PRCP: variants seen among roughly 807,000 people sequenced by gnomAD.
The protein encoded by PRCP is prolylcarboxypeptidase, also known as lysosomal Pro-X carboxypeptidase.
A neutral mutation model predicts 54.2 loss-of-function variants in PRCP; 46 were observed. The ratio of observed to expected loss-of-function variants is 0.85; its 90% confidence interval spans 0.67 to 1.09. PRCP has a LOEUF of 1.09. Among genes scored for constraint, PRCP ranks in the 50% least tolerant of loss-of-function variants. The pLI, the probability that PRCP is intolerant of heterozygous loss-of-function variation, is 0.00. For missense variants in PRCP, 613 were observed against 596.8 expected, an observed-to-expected ratio of 1.03 and a Z score of -0.28; for synonymous variants, 240 against 212.2, an observed-to-expected ratio of 1.13 and a Z score of -1.14.
Position 82,823,222 on chromosome 11 carries a change from A to G in PRCP, c.*1684T>C, listed in dbSNP as rs2121030605. Among the ~76,000 whole-genome samples the G allele has an allele frequency of 6.6e-6, 1 of 152,352 alleles. No homozygotes were observed. The highest frequency in any genetic ancestry group is 2.4e-5 in the African/African-American group (1 of 41,576). ...AATGGCAAAGTATTTTAAAGATTCT[A>G]CACAAGGGAAAAACCCTAAAATCGT... On this transcript the variant is annotated 3_prime_UTR_variant, in exon 9 of 9. Transcript: ENST00000313010.
chr11:82,900,263 T>C lies in PRCP; in HGVS notation c.140A>G (p.Asn47Ser), dbSNP rs150424357. The change falls in exon 1 of 9, where the codon AAC (asparagine) becomes AGC (serine). Residue 47 changes from asparagine to serine, a missense_variant. By Grantham distance (46) the Asn-to-Ser change is conservative. Coordinates refer to ENST00000313010, the MANE Select transcript of PRCP (RefSeq NM_005040.4). ...CTGTTGGAAGTAGAGAACCGAATAGTTCTTGGCTACAGCCGGGAGGGATGT... is the reference window on the plus strand; with the variant it reads ...CTGTTGGAAGTAGAGAACCGAATAGCTCTTGGCTACAGCCGGGAGGGATGT... Reference protein sequence around the residue: ...NPTSLPAVAKNYSVLYFQQKV... With the variant: ...NPTSLPAVAKSYSVLYFQQKV... 1 of 1,614,222 alleles carries C rather than the reference T, an allele frequency of 6.2e-7. No individual in the cohort carries two copies. Among genetic ancestry groups the C allele is most frequent in the Non-Finnish European group, 8.5e-7 (1 of 1,180,028 alleles).
intron 1 of PRCP, among the ~76,000 whole-genome samples, chr11:82,880,836 GAAA>G (rs35371555): frequency 1.3e-4 from 18 of 137,946 alleles, no homozygotes; most frequent in African/African-American, 3.8e-4. Context: ...CCTTATGGAG[GAAA>G]AAAAAAAAAA....
chr11:82,859,973 A>G lies in PRCP; in HGVS notation c.309+4T>C. 6.4e-7 allele frequency: 1 copy of G among 1,574,586 alleles called. No individual in the cohort carries two copies. The highest frequency in any genetic ancestry group is 8.6e-7 in the Non-Finnish European group (1 of 1,164,030). ...GCACTGGAATTTCATGAATCTGCACATACCGTGTTATTACAAAACCAGATA... is the reference window on the plus strand; with the variant it reads ...GCACTGGAATTTCATGAATCTGCACGTACCGTGTTATTACAAAACCAGATA... On this transcript the variant is annotated splice_donor_region_variant and intron_variant, in intron 2 of 8. Transcript: ENST00000313010.
chr11:82,825,425 T>C (rs1858203406), intron 8 of PRCP: 1 of 310,758 alleles, frequency 3.2e-6, no homozygotes, highest in African/African-American at 2.2e-5. Context: ...GATTTCATTA[T>C]TCAAAAGTTA....
In PRCP at chr11:82,838,588, C is replaced by T; in HGVS notation, c.1087-14G>A. 1.3e-6 allele frequency: 2 copies of T among 1,592,910 alleles called. No homozygotes were observed. The highest frequency in any genetic ancestry group is 1.7e-6 in the Non-Finnish European group (2 of 1,171,342). On this transcript the variant is annotated splice_polypyrimidine_tract_variant and intron_variant, in intron 7 of 8. Coordinates refer to ENST00000313010, the MANE Select transcript of PRCP (RefSeq NM_005040.4). Reference sequence around the variant, plus strand: ...TTCTGTGCAGGCCTAAGAAGCAAACCAAGAGAGAATCCAATTAGAAAAATG... The same window carrying T: ...TTCTGTGCAGGCCTAAGAAGCAAACTAAGAGAGAATCCAATTAGAAAAATG...
intron 8 of PRCP, chr11:82,828,145 C>T (rs1858288503): frequency 6.6e-6 from 1 of 152,114 alleles, no homozygotes; most frequent in South Asian, 2.1e-4. Context: ...AAAGAGAAAA[C>T]TAATGCCCAA....
At chr11:82,829,886 G>A (rs753222072) in intron 8 of PRCP, 3 of 152,120 alleles carry the variant, frequency 2.0e-5, no homozygotes, top group Non-Finnish European at 4.4e-5. Context: ...TACTTTTTAC[G>A]TGGGAAAGAA....
chr11:82,869,689 T>C (rs556268090), intron 1 of PRCP, among the ~76,000 whole-genome samples: 3 of 152,282 alleles, frequency 2.0e-5, no homozygotes, highest in African/African-American at 7.2e-5. Context: ...AGTAAATGAA[T>C]GCATGCATGC....
chr11:82,885,419 C>T (rs1403742745), intron 1 of PRCP, among the ~76,000 whole-genome samples: 1 of 152,086 alleles, frequency 6.6e-6, no homozygotes, highest in African/African-American at 2.4e-5. Flanking sequence ...ATTTATTTCC[C>T]CTTAGATGGC....
chr11:82,873,406 C>A (rs746765315), intron 1 of PRCP, among the ~76,000 whole-genome samples: 1 of 152,154 alleles, frequency 6.6e-6, no homozygotes, highest in Non-Finnish European at 1.5e-5. Context: ...ACACGAAATG[C>A]CCCACTAAAT....
chr11:82,826,823 G>C (rs903764244), intron 8 of PRCP: 9 of 152,112 alleles, frequency 5.9e-5, no homozygotes, highest in African/African-American at 1.7e-4. Context: ...TTTTGAGTGA[G>C]AGCTCACACT....
intron 8 of PRCP, among the ~76,000 whole-genome samples, chr11:82,832,346 C>G (rs566125612): frequency 2.0e-5 from 3 of 152,206 alleles, no homozygotes; most frequent in Admixed American, 1.3e-4. Flanking sequence ...CCTATTTCCC[C>G]ACACCCTCTC....
chr11:82,883,819 T>C (rs915584780), intron 1 of PRCP, among the ~76,000 whole-genome samples: 1 of 152,150 alleles, frequency 6.6e-6, no homozygotes, highest in African/African-American at 2.4e-5. Context: ...TAAATTCCCA[T>C]CTCTTTTAAA....
intron 1 of PRCP, among the ~76,000 whole-genome samples, chr11:82,866,870 C>T (rs751567889): frequency 6.6e-6 from 1 of 151,904 alleles, no homozygotes; most frequent in Non-Finnish European, 1.5e-5. Context: ...TACAGGTGCC[C>T]ACCACCACAC....
chr11:82,878,672 G>A (rs1011014565), intron 1 of PRCP, among the ~76,000 whole-genome samples: 3 of 152,188 alleles, frequency 2.0e-5, no homozygotes, highest in Non-Finnish European at 4.4e-5. Context: ...TTTTGCAGTG[G>A]CTAGTACCGG....
At chr11:82,877,481 C>T (rs1859635555) in intron 1 of PRCP, among the ~76,000 whole-genome samples, 1 of 152,152 alleles carries the variant, frequency 6.6e-6, no homozygotes, top group Non-Finnish European at 1.5e-5. Context: ...GGGCTGAGCC[C>T]AGGGTCCCCA....
intron 7 of PRCP, among the ~76,000 whole-genome samples, chr11:82,838,951 T>A (rs1364331300): frequency 6.6e-6 from 1 of 152,240 alleles, no homozygotes; most frequent in African/African-American, 2.4e-5. Context: ...GTAGGACTTA[T>A]CAAGATCTAT....
In PRCP at chr11:82,841,917, T is replaced by C. The variant is rs534647463; in HGVS notation, c.922-2492A>G. ...TTGCCAACAGTTGATCAGCATTCTT[T>C]CCTGAACCTGGACATAGATTCAGCT... On this transcript the variant is annotated intron_variant, in intron 6 of 8. Coordinates refer to ENST00000313010, the MANE Select transcript of PRCP (RefSeq NM_005040.4). Among the ~76,000 whole-genome samples, 4 of 152,320 alleles carry C rather than the reference T, an allele frequency of 2.6e-5. No individual in the cohort carries two copies. In the South Asian group the frequency reaches 8.3e-4, roughly 32 times the overall value.
intron 6 of PRCP, 101 bp downstream of exon 6, chr11:82,848,948 C>A (rs1858876554): frequency 2.5e-6 from 3 of 1,202,044 alleles, no homozygotes; most frequent in Admixed American, 2.3e-5. Flanking sequence ...ACTCTGGAGC[C>A]CCTTTGTCAC....
Sources: gnomAD v4.1 joint callset for allele counts (sites outside exome capture counted in the v4.1 genomes callset) on GRCh38, gnomAD v4.1.1 for gene constraint, MANE v1.5 for transcripts, NCBI Gene and HGNC (gene_info 2026-07-23, HGNC 2026-07-21) for gene names.